ESRRG: variants seen among roughly 807,000 people sequenced by gnomAD.
The protein encoded by ESRRG is estrogen-related receptor gamma.
A neutral mutation model predicts 44.0 loss-of-function variants in ESRRG; 13 were observed. That is an observed-to-expected ratio of 0.30 (90% CI 0.19 to 0.47). ESRRG has a LOEUF of 0.47. Among genes scored for constraint, ESRRG ranks in the 20% least tolerant of loss-of-function variants. ESRRG has a pLI of 1.00. For synonymous variants in ESRRG, 215 were observed against 214.6 expected (o/e 1.00, Z -0.02); for missense variants, 395 against 580.6 (o/e 0.68, Z 3.29).
intron 3 of ESRRG, among the ~76,000 whole-genome samples, chr1:216,646,033 C>T (rs771186193): frequency 5.3e-5 from 8 of 152,092 alleles, no homozygotes; most frequent in Non-Finnish European, 8.8e-5. Context: ...TCTTCCTCCT[C>T]TTCCTTTTCC....
intron 3 of ESRRG, among the ~76,000 whole-genome samples, chr1:216,620,877 A>G (rs1480333262): frequency 6.6e-6 from 1 of 152,238 alleles, no homozygotes; most frequent in Non-Finnish European, 1.5e-5. Context: ...GCAAAGCAGT[A>G]TTTTGAATGA....
At chr1:216,885,208 G>C (rs1189644763) in intron 2 of ESRRG, among the ~76,000 whole-genome samples, 2 of 152,134 alleles carry the variant, frequency 1.3e-5, no homozygotes, top group Non-Finnish European at 2.9e-5. Flanking sequence ...ATTAAAATCT[G>C]TGTTCATTTA....
intron 1 of ESRRG, among the ~76,000 whole-genome samples, chr1:216,719,777 A>C (rs1160217344): frequency 1.3e-5 from 2 of 152,060 alleles, no homozygotes; most frequent in Non-Finnish European, 1.5e-5. Context: ...GGCTTTGCTA[A>C]TAACATGGGT....
chr1:216,910,934 C>T (rs1338226612), intron 2 of ESRRG, among the ~76,000 whole-genome samples: 1 of 152,164 alleles, frequency 6.6e-6, no homozygotes, highest in Non-Finnish European at 1.5e-5. Flanking sequence ...CTCTACACTT[C>T]AACATAAACG....
At chr1:217,102,514 T>C (rs536143792) in intron 1 of ESRRG, among the ~76,000 whole-genome samples, 6 of 152,320 alleles carry the variant, frequency 3.9e-5, no homozygotes, top group African/African-American at 1.4e-4. Flanking sequence ...GGGTCTCCAT[T>C]GCGTACTGCC....
intron 1 of ESRRG, among the ~76,000 whole-genome samples, chr1:217,077,461 A>C (rs1333344050): frequency 6.6e-6 from 1 of 152,170 alleles, no homozygotes; most frequent in Non-Finnish European, 1.5e-5. Flanking sequence ...GCACCTAAAA[A>C]GCTTTCAAGG....
At chr1:216,735,197 C>T (rs541346960) in intron 2 of ESRRG, among the ~76,000 whole-genome samples, 2 of 151,400 alleles carry the variant, frequency 1.3e-5, no homozygotes, top group Middle Eastern at 3.4e-3. Flanking sequence ...CATGAGCCAC[C>T]ATGCCCAGCC....
chr1:216,832,125 A>T (rs533189686), intron 2 of ESRRG, among the ~76,000 whole-genome samples: 1 of 152,312 alleles, frequency 6.6e-6, no homozygotes, highest in African/African-American at 2.4e-5. Context: ...CAAGCGCTAC[A>T]CAATAGCTCA....
intron 2 of ESRRG, among the ~76,000 whole-genome samples, chr1:216,906,228 T>C (rs2059673777): frequency 6.6e-6 from 1 of 152,188 alleles, no homozygotes; most frequent in African/African-American, 2.4e-5. Context: ...ATTTCATTTA[T>C]CTAAAATGAA....
intron 1 of ESRRG, among the ~76,000 whole-genome samples, chr1:217,067,448 A>G (rs1207810540): frequency 6.6e-6 from 1 of 152,224 alleles, no homozygotes; most frequent in Non-Finnish European, 1.5e-5. Context: ...TAATAGCTTG[A>G]CACTCTAAAA....
chr1:217,006,780 G>C (rs2077803951), intron 1 of ESRRG, among the ~76,000 whole-genome samples: 1 of 152,028 alleles, frequency 6.6e-6, no homozygotes, highest in Admixed American at 6.6e-5. Flanking sequence ...ATGAGGTCAG[G>C]TGTAAATTTT....
chr1:216,753,148 G>A (rs1185083252), intron 2 of ESRRG, among the ~76,000 whole-genome samples: 5 of 124,024 alleles, frequency 4.0e-5, no homozygotes, highest in Non-Finnish European at 7.0e-5. Flanking sequence ...ATAACCAAAG[G>A]CAAAGGACCA....
chr1:216,880,009 T>C (rs1442976989), intron 2 of ESRRG, among the ~76,000 whole-genome samples: 2 of 152,170 alleles, frequency 1.3e-5, no homozygotes, highest in East Asian at 1.9e-4. Flanking sequence ...AGTAAACTAC[T>C]TTAAAAAGAT....
intron 1 of ESRRG, among the ~76,000 whole-genome samples, chr1:216,713,076 G>T (rs1575638159): frequency 6.6e-6 from 1 of 152,134 alleles, no homozygotes; most frequent in African/African-American, 2.4e-5. Flanking sequence ...ATTGATTTGA[G>T]TGTGTCACAG....
At chr1:216,721,945 TTGGCTAATATTCCCTG>T (rs1203771266) in intron 1 of ESRRG, among the ~76,000 whole-genome samples, 1 of 152,220 alleles carries the variant, frequency 6.6e-6, no homozygotes, top group African/African-American at 2.4e-5. Context: ...AATCCATCTC[TTGGCTAATATTCCCTG>T]TGTGAGCATG....
intron 3 of ESRRG, among the ~76,000 whole-genome samples, chr1:216,601,039 G>C (rs1302969124): frequency 1.3e-5 from 2 of 152,214 alleles, no homozygotes; most frequent in Non-Finnish European, 2.9e-5. Flanking sequence ...GGGCTCCCGT[G>C]GGTTGCTGAG....
intron 1 of ESRRG, among the ~76,000 whole-genome samples, chr1:216,953,242 T>C (rs1212473735): frequency 1.3e-5 from 2 of 152,030 alleles, no homozygotes; most frequent in African/African-American, 4.8e-5. Flanking sequence ...ATCAAGACCA[T>C]ATGACAAAAA....
At chr1:217,095,991 AG>A (rs2092417772) in intron 1 of ESRRG, among the ~76,000 whole-genome samples, 1 of 152,248 alleles carries the variant, frequency 6.6e-6, no homozygotes. Context: ...TGGTAATAAA[AG>A]TGTGAAAAAT....
At chr1:216,796,554 T>C (rs1386160606) in intron 2 of ESRRG, among the ~76,000 whole-genome samples, 2 of 152,216 alleles carry the variant, frequency 1.3e-5, no homozygotes, top group African/African-American at 2.4e-5. Context: ...CGGCTTCTTC[T>C]CTGTTATTAA....
Sources: gnomAD v4.1 joint callset for allele counts (sites outside exome capture counted in the v4.1 genomes callset) on GRCh38, gnomAD v4.1.1 for gene constraint, MANE v1.5 for transcripts, NCBI Gene and HGNC (gene_info 2026-07-23, HGNC 2026-07-21) for gene names.